Variants in PPARGC1A observed in about 807,000 individuals in gnomAD.
The protein encoded by PPARGC1A is peroxisome proliferator-activated receptor gamma coactivator 1-alpha.
PPARGC1A carries 25 observed loss-of-function variants against 88.7 expected under a neutral mutation model. The ratio of observed to expected loss-of-function variants is 0.28; its 90% CI spans 0.21 to 0.39. PPARGC1A has a LOEUF of 0.39. PPARGC1A is among the 10% of genes least tolerant of loss of function. The probability of loss-of-function intolerance (pLI) is 1.00; values close to 1 mark genes in which losing one functional copy is unlikely to be tolerated. For synonymous variants in PPARGC1A, 363 were observed against 355.6 expected, an observed-to-expected ratio of 1.02 and a Z score of -0.24; for missense variants, 880 against 968.7, an observed-to-expected ratio of 0.91 and a Z score of 1.22.
the PPARGC1A span, among the ~76,000 whole-genome samples, chr4:24,320,580 G>T: frequency 2.0e-5 from 3 of 152,192 alleles, no homozygotes; most frequent in Non-Finnish European, 4.4e-5. Flanking sequence ...TGAAAATACA[G>T]TATTTTAACG....
chr4:24,339,235 T>TACAC, the PPARGC1A span, among the ~76,000 whole-genome samples: 46 of 110,210 alleles, frequency 4.2e-4, no homozygotes, highest in South Asian at 6.8e-4. Context: ...TATATATATA[T>TACAC]ATACACACAC....
chr4:24,193,801 C>T, the PPARGC1A span, among the ~76,000 whole-genome samples: 1 of 152,120 alleles, frequency 6.6e-6, no homozygotes, highest in Non-Finnish European at 1.5e-5. Context: ...GAGTCAAGCA[C>T]AGTGCCTCCT....
At chr4:23,979,607 C>T in the PPARGC1A span, among the ~76,000 whole-genome samples, 3 of 152,162 alleles carry the variant, frequency 2.0e-5, no homozygotes, top group Admixed American at 1.3e-4. Context: ...GATATTTACA[C>T]GATCACTTAC....
At chr4:23,806,015 A>G (rs1719744533) in intron 10 of PPARGC1A, among the ~76,000 whole-genome samples, 1 of 152,238 alleles carries the variant, frequency 6.6e-6, no homozygotes, top group South Asian at 2.1e-4. Flanking sequence ...AGGACCTTTT[A>G]TAATGGATAC....
At chr4:24,094,644 A>G in the PPARGC1A span, among the ~76,000 whole-genome samples, 1 of 152,256 alleles carries the variant, frequency 6.6e-6, no homozygotes, top group African/African-American at 2.4e-5. Flanking sequence ...AATGAAAGCA[A>G]AGTGAAGCAT....
At chr4:23,987,330 T>A in the PPARGC1A span, among the ~76,000 whole-genome samples, 1 of 152,040 alleles carries the variant, frequency 6.6e-6, no homozygotes, top group Non-Finnish European at 1.5e-5. Context: ...TTACTACAGA[T>A]CCAAACCTTT....
the PPARGC1A span, among the ~76,000 whole-genome samples, chr4:24,161,371 C>T: frequency 6.6e-6 from 1 of 152,194 alleles, no homozygotes; most frequent in African/African-American, 2.4e-5. Context: ...AGAGTCAGCT[C>T]AGGTTTCCCA....
chr4:24,361,025 G>A, the PPARGC1A span, among the ~76,000 whole-genome samples: 1 of 152,244 alleles, frequency 6.6e-6, no homozygotes, highest in East Asian at 1.9e-4. Context: ...AGAAGGCAGG[G>A]GTTGCAGGCA....
At chr4:23,928,783 C>CA in the PPARGC1A span, among the ~76,000 whole-genome samples, 874 of 119,038 alleles carry the variant, frequency 7.3e-3, 10 homozygotes, top group African/African-American at 0.018. Context: ...AAAAAAACAA[C>CA]AAAAAAAAAA....
the PPARGC1A span, among the ~76,000 whole-genome samples, chr4:24,377,372 T>C: frequency 6.6e-6 from 1 of 151,996 alleles, no homozygotes; most frequent in Non-Finnish European, 1.5e-5. Flanking sequence ...AATACATAAA[T>C]AAATAAATAG....
chr4:24,404,219 C>T, the PPARGC1A span, among the ~76,000 whole-genome samples: 12 of 151,934 alleles, frequency 7.9e-5, no homozygotes, highest in South Asian at 4.2e-4. Flanking sequence ...GCCGAGATCG[C>T]GCCACCGCAC....
chr4:23,849,265 G>A (rs957891239), intron 2 of PPARGC1A, among the ~76,000 whole-genome samples: 1 of 152,106 alleles, frequency 6.6e-6, no homozygotes, highest in East Asian at 1.9e-4. Context: ...AATGATGTTC[G>A]TTATTTAAAA....
At chr4:24,337,068 A>T in the PPARGC1A span, among the ~76,000 whole-genome samples, 2 of 152,236 alleles carry the variant, frequency 1.3e-5, no homozygotes, top group Admixed American at 6.5e-5. Context: ...TGTAAATTGC[A>T]TTCCAAAAAG....
At chr4:24,352,600 T>G in the PPARGC1A span, among the ~76,000 whole-genome samples, 2 of 152,116 alleles carry the variant, frequency 1.3e-5, no homozygotes, top group Non-Finnish European at 2.9e-5. Context: ...AGGACTCGGT[T>G]CAAAAGCTGG....
chr4:24,339,900 G>A, the PPARGC1A span, among the ~76,000 whole-genome samples: 4 of 151,844 alleles, frequency 2.6e-5, no homozygotes, highest in South Asian at 2.1e-4. Context: ...CACCACCCCC[G>A]GCTAATTTTT....
At chr4:24,296,705 G>A in the PPARGC1A span, among the ~76,000 whole-genome samples, 1 of 152,122 alleles carries the variant, frequency 6.6e-6, no homozygotes, top group Admixed American at 6.6e-5. Context: ...TTGTCATCAA[G>A]AATGTTTTGA....
At chr4:24,027,224 T>TGG in the PPARGC1A span, among the ~76,000 whole-genome samples, 1 of 117,424 alleles carries the variant, frequency 8.5e-6, no homozygotes, top group African/African-American at 3.1e-5. Context: ...TGTGTCTGTG[T>TGG]GTCTGTGTGT....
chr4:24,045,591 A>G, the PPARGC1A span, among the ~76,000 whole-genome samples: 1 of 152,092 alleles, frequency 6.6e-6, no homozygotes, highest in Admixed American at 6.5e-5. Flanking sequence ...CATCACTTCA[A>G]TCTCTGCCTC....
intron 1 of PPARGC1A, among the ~76,000 whole-genome samples, chr4:23,886,654 G>T (rs1399074673): frequency 6.6e-6 from 1 of 151,938 alleles, no homozygotes; most frequent in Non-Finnish European, 1.5e-5. Context: ...CTGGAGGCTG[G>T]GCTGAAGAGA....
Sources: gnomAD v4.1 joint callset for allele counts (sites outside exome capture counted in the v4.1 genomes callset) on GRCh38, gnomAD v4.1.1 for gene constraint, MANE v1.5 for transcripts, NCBI Gene and HGNC (gene_info 2026-07-23, HGNC 2026-07-21) for gene names.